The following PDZK1IP1 variants were observed in gnomAD, a reference collection of about 807,000 sequenced individuals.
PDZK1IP1 encodes PDZK1 interacting protein 1.
A neutral mutation model predicts 14.7 loss-of-function variants in PDZK1IP1; 9 were observed. That is an observed-to-expected ratio of 0.61 (90% CI 0.37 to 1.07). PDZK1IP1 has a LOEUF of 1.07. Among genes scored for constraint, PDZK1IP1 ranks in the 50% least tolerant of loss-of-function variants. The pLI is 0.01. For synonymous variants in PDZK1IP1, 70 were observed against 61.2 expected, an observed-to-expected ratio of 1.14 and a Z score of -0.67; for missense variants, 152 against 148.7, an observed-to-expected ratio of 1.02 and a Z score of -0.11.
chr1:47,188,811 G>A (rs1645335473), intron 1 of PDZK1IP1, among the ~76,000 whole-genome samples: 1 of 152,194 alleles, frequency 6.6e-6, no homozygotes, highest in African/African-American at 2.4e-5. Context: ...CCAAAAAGCA[G>A]TATTTGGGAG....
chr1:47,187,268 A>G lies in PDZK1IP1; in HGVS notation c.176+51T>C, dbSNP rs767610762. 4.8e-6 allele frequency: 6 copies of G among 1,250,236 alleles called. No individual in the cohort carries two copies. In the South Asian group the frequency reaches 7.2e-5, roughly 15 times the overall value. The allele number at this position is 1,250,236 out of a possible 1,614,324, so 77.4% of individuals were successfully genotyped here. Reference sequence around the variant, plus strand: ...TTCTCACTGCTACTAGAGCAAGAGCAGTGGTCCTGGGCCCACCCTGCCTGC... The same window carrying G: ...TTCTCACTGCTACTAGAGCAAGAGCGGTGGTCCTGGGCCCACCCTGCCTGC... On this transcript the variant is annotated intron_variant, in intron 2 of 3. Coordinates refer to ENST00000294338, the MANE Select transcript of PDZK1IP1 (RefSeq NM_005764.4).
chr1:47,185,289 T>C (rs1231899741), intron 2 of PDZK1IP1, 192 bp from the exon 3 acceptor site: 7 of 583,716 alleles, frequency 1.2e-5, no homozygotes, highest in Non-Finnish European at 2.2e-5. Context: ...CACTCCATAG[T>C]GGGGGGCCAA....
chr1:47,187,298 G>A, intron 2 of PDZK1IP1, 21 bp downstream of exon 2: 2 of 1,578,948 alleles, frequency 1.3e-6, no homozygotes, highest in Non-Finnish European at 8.7e-7. Context: ...GCCTGCTCAG[G>A]GACCCTTGGG....
At chr1:47,189,564 C>A (rs1645340325) in intron 1 of PDZK1IP1, among the ~76,000 whole-genome samples, 1 of 152,182 alleles carries the variant, frequency 6.6e-6, no homozygotes, top group Non-Finnish European at 1.5e-5. Flanking sequence ...CCTACTTGTA[C>A]CCCCGGGTCC....
chr1:47,184,025 A>G lies in PDZK1IP1; in HGVS notation c.291T>C (p.Asn97=). ...AASFRSSEHE[N]AYENVPEEEG... ...CCTCCTCGGGCACATTCTCATAGGC[A>G]TTCTCATGCTCACTGGACCTGAAAG... is the stretch of plus-strand genomic sequence containing the variant. The change falls in exon 4 of 4, where the codon AAT becomes AAC. Residue 97 remains asparagine, a synonymous_variant. Transcript: ENST00000294338. 1 of 1,594,196 alleles carries G rather than the reference A, an allele frequency of 6.3e-7. No individual in the cohort carries two copies. The highest frequency in any genetic ancestry group is 8.6e-7 in the Non-Finnish European group (1 of 1,169,088).
chr1:47,183,624 GC>G lies in PDZK1IP1; in HGVS notation c.*346del, dbSNP rs1393721160. ...CCTGAGGGGCTGTTGCTGAGCCTCA[GC>G]CCCAGAAATACAAAAAGTCTTTATT... On this transcript the variant is annotated 3_prime_UTR_variant, in exon 4 of 4. Transcript: ENST00000294338. The G allele has an allele frequency of 3.6e-6, 1 of 277,608 alleles. No homozygotes were observed. The highest frequency in any genetic ancestry group is 6.8e-6 in the Non-Finnish European group (1 of 146,816). The allele number at this position is 277,608 out of a possible 1,614,324, so 17.2% of individuals were successfully genotyped here.
chr1:47,189,149 G>C (rs897441836), intron 1 of PDZK1IP1, among the ~76,000 whole-genome samples: 5 of 152,068 alleles, frequency 3.3e-5, no homozygotes, highest in African/African-American at 4.8e-5. Flanking sequence ...AGCTCGGGGT[G>C]GGGGTGGGAG....
intron 2 of PDZK1IP1, chr1:47,185,474 G>T (rs920644841): frequency 2.5e-5 from 6 of 240,452 alleles, no homozygotes; most frequent in Admixed American, 1.0e-4. Context: ...GCTGGGGCAG[G>T]TGGAGAAAGT....
intron 1 of PDZK1IP1, among the ~76,000 whole-genome samples, chr1:47,188,702 G>C (rs1179381424): frequency 6.6e-6 from 1 of 152,228 alleles, no homozygotes; most frequent in Non-Finnish European, 1.5e-5. Context: ...GAAGGAGGAA[G>C]GAGGCTAGGA....
chr1:47,185,144 G>A (rs200260236), intron 2 of PDZK1IP1, 47 bp from the exon 3 acceptor site: 471 of 1,408,948 alleles, frequency 3.3e-4, no homozygotes, highest in Non-Finnish European at 4.5e-4. Flanking sequence ...GGCCCCCCTC[G>A]TCCAAGCAGA....
At chr1:47,186,363 A>G (rs1281634854) in intron 2 of PDZK1IP1, among the ~76,000 whole-genome samples, 1 of 151,792 alleles carries the variant, frequency 6.6e-6, no homozygotes. Flanking sequence ...TCACTTAGGT[A>G]AAGTCCAAAG....
At chr1:47,187,274 C>T in intron 2 of PDZK1IP1, 45 bp downstream of exon 2, 2 of 1,385,712 alleles carry the variant, frequency 1.4e-6, no homozygotes, top group South Asian at 1.2e-5. Context: ...GAGCAGTGGT[C>T]CTGGGCCCAC....
chr1:47,185,725 C>T (rs1400270648), intron 2 of PDZK1IP1, among the ~76,000 whole-genome samples: 1 of 152,114 alleles, frequency 6.6e-6, no homozygotes, highest in Non-Finnish European at 1.5e-5. Context: ...GGTGAGTGAT[C>T]CGCCATGAGA....
At chr1:47,187,568 G>A in intron 1 of PDZK1IP1, 141 bp from the exon 2 acceptor site, 3 of 676,214 alleles carry the variant, frequency 4.4e-6, no homozygotes, top group South Asian at 1.8e-5. Context: ...ACATTGTGGG[G>A]AGGCAGGGGT....
In PDZK1IP1 at chr1:47,184,922, C is replaced by T. The variant is rs914710421; in HGVS notation, c.272+80G>A. ...CATGAGTCTCCGTCCTCCCCAGCCACCTCCCCCCAGCAGCACCTGTCTTGA... is the reference window on the plus strand; with the variant it reads ...CATGAGTCTCCGTCCTCCCCAGCCATCTCCCCCCAGCAGCACCTGTCTTGA... On this transcript the variant is annotated intron_variant, in intron 3 of 3. Transcript: ENST00000294338. The T allele has an allele frequency of 1.7e-4, 205 of 1,175,480 alleles. 1 individual carries two copies. The highest frequency in any genetic ancestry group is 2.3e-4 in the Non-Finnish European group (183 of 783,922). The allele number at this position is 1,175,480 out of a possible 1,614,324, so 72.8% of individuals were successfully genotyped here. A position where few individuals can be genotyped will look rare whatever the true frequency, so the allele number is the denominator to read the frequency against.
At position 47,184,001 on chromosome 1, in the gene PDZK1IP1, C is replaced by T. The variant is rs372277620; in HGVS notation, c.315G>A (p.Glu105=). The T allele has an allele frequency of 1.6e-5, 25 of 1,598,600 alleles. No individual in the cohort carries two copies. The highest frequency in any genetic ancestry group is 2.1e-5 in the Non-Finnish European group (25 of 1,171,864). Residue 105 remains glutamate, a synonymous_variant, in exon 4 of 4, where the codon GAG becomes GAA. Coordinates refer to ENST00000294338, the MANE Select transcript of PDZK1IP1 (RefSeq NM_005764.4). ...HENAYENVPE[E]EGKVRSTPM Reference sequence around the variant, plus strand: ...TCGGGGTGCTGCGGACCTTGCCTTCCTCCTCGGGCACATTCTCATAGGCAT... The same window carrying T: ...TCGGGGTGCTGCGGACCTTGCCTTCTTCCTCGGGCACATTCTCATAGGCAT...
intron 1 of PDZK1IP1, 127 bp downstream of exon 1, chr1:47,189,739 T>G: frequency 1.6e-6 from 1 of 621,214 alleles, no homozygotes; most frequent in Non-Finnish European, 2.6e-6. Flanking sequence ...CCTTGGGACA[T>G]TCTTTCAGCT....
At chr1:47,185,514 C>CTCG (rs1378845054) in intron 2 of PDZK1IP1, among the ~76,000 whole-genome samples, 1 of 152,152 alleles carries the variant, frequency 6.6e-6, no homozygotes, top group Non-Finnish European at 1.5e-5. Context: ...CAACAACCTT[C>CTCG]TCGTCTCTTA....
chr1:47,184,485 A>AT (rs1645305329), intron 3 of PDZK1IP1, among the ~76,000 whole-genome samples: 1 of 86,420 alleles, frequency 1.2e-5, no homozygotes, highest in Non-Finnish European at 2.4e-5. Flanking sequence ...CACTGAACCC[A>AT]TCCCCCACTG....
Sources: allele counts gnomAD v4.1 joint callset (sites outside exome capture counted in the v4.1 genomes callset), GRCh38; gene constraint gnomAD v4.1.1; transcripts MANE v1.5; gene names NCBI Gene and HGNC (gene_info 2026-07-23, HGNC 2026-07-21).